Variants in POLR2C observed in about 807,000 individuals in gnomAD.
POLR2C encodes RNA polymerase II subunit C, also known as DNA-directed RNA polymerase II subunit RPB3.
In POLR2C, 36 loss-of-function variants were observed where a neutral mutation model predicts 41.7. The observed-to-expected ratio is 0.86, with a 90% CI of 0.66 to 1.14. The LOEUF (loss-of-function observed/expected upper bound fraction) is 1.14. Among genes scored for constraint, POLR2C ranks in the 50% most tolerant of loss-of-function variants. The pLI is 0.00. For missense variants in POLR2C, 260 were observed against 350.4 expected (o/e 0.74, Z 2.06); for synonymous variants, 133 against 137.8 (o/e 0.96, Z 0.25).
chr16:57,466,011 T>C lies in POLR2C; in HGVS notation c.195T>C (p.Ala65=). The C allele has an allele frequency of 6.3e-7, 1 of 1,597,012 alleles. No homozygotes were observed. Among genetic ancestry groups the C allele is most frequent in the Non-Finnish European group, 8.6e-7 (1 of 1,164,512 alleles). ...NSSVLHDEFI[A]HRLGLIPLIS... is the part of the protein sequence containing the mutation. ...CAGTTCTTCATGATGAATTCATTGCTCACAGGCTTGGTGAGTACTCCTTTT... is the reference window on the plus strand; with the variant it reads ...CAGTTCTTCATGATGAATTCATTGCCCACAGGCTTGGTGAGTACTCCTTTT... The change falls in exon 3 of 9, where the codon GCT becomes GCC. Residue 65 remains alanine, a synonymous_variant. Transcript: ENST00000219252.
At chr16:57,470,731 A>G (rs1160967842) in intron 8 of POLR2C, among the ~76,000 whole-genome samples, 1 of 152,190 alleles carries the variant, frequency 6.6e-6, no homozygotes, top group Non-Finnish European at 1.5e-5. Context: ...GCATGCATAC[A>G]TACAGAACTT....
At chr16:57,466,597 C>T (rs2030714264) in intron 4 of POLR2C, among the ~76,000 whole-genome samples, 1 of 152,152 alleles carries the variant, frequency 6.6e-6, no homozygotes, top group South Asian at 2.1e-4. Flanking sequence ...ACAAGAGCAG[C>T]TCCTGGGGGA....
chr16:57,469,570 T>C lies in POLR2C; in HGVS notation c.388-140T>C. 1.2e-6 allele frequency: 1 copy of C among 801,384 alleles called. No individual in the cohort carries two copies. Among genetic ancestry groups the C allele is most frequent in the Non-Finnish European group, 2.2e-6 (1 of 463,116 alleles). The allele number at this position is 801,384 out of a possible 1,614,324, so 49.6% of individuals were successfully genotyped here. A position where few individuals can be genotyped will look rare whatever the true frequency, so the allele number is the denominator to read the frequency against. On this transcript the variant is annotated intron_variant, in intron 5 of 8. Transcript: ENST00000219252. This position sits in a 1 kb window ranked among gnomAD's most constrained non-coding sequence, Gnocchi z 5.8. The stretch of plus-strand genomic sequence containing the variant: ...CACCCTGAAGTGGGGGTTGGAGTCC[T>C]GGGGGCATCTGTGCCACCACCTCGT...
At chr16:57,465,423 T>A (rs889434567) in intron 2 of POLR2C, among the ~76,000 whole-genome samples, 1 of 152,236 alleles carries the variant, frequency 6.6e-6, no homozygotes, top group Non-Finnish European at 1.5e-5. Flanking sequence ...TCATTGCTGC[T>A]AGGGATTGGG....
At chr16:57,465,737 G>C in intron 2 of POLR2C, 1 of 528,478 alleles carries the variant, frequency 1.9e-6, no homozygotes, top group Non-Finnish European at 3.3e-6. Flanking sequence ...GAAGCAGGGA[G>C]CCCCCTGCAT....
chr16:57,470,234 C>T lies in POLR2C; in HGVS notation c.609-46C>T, dbSNP rs530552555. The T allele has an allele frequency of 2.5e-6, 4 of 1,601,978 alleles. No individual in the cohort carries two copies. In the South Asian group the frequency reaches 4.4e-5, roughly 18 times the overall value. On this transcript the variant is annotated intron_variant, in intron 7 of 8. Coordinates refer to ENST00000219252, the MANE Select transcript of POLR2C (RefSeq NM_032940.3). ...AGGCTCTCTAGGAACTTGGGTGCCC[C>T]AAAAGGAGCAGTGGCAACCTTGTGC... is the stretch of plus-strand genomic sequence containing the variant.
intron 1 of POLR2C, 43 bp downstream of exon 1, chr16:57,462,853 G>A (rs758912817): frequency 1.6e-5 from 24 of 1,514,088 alleles, no homozygotes; most frequent in Admixed American, 7.4e-5. Flanking sequence ...TGGGGCGCCG[G>A]GAGGCCCAAG....
At chr16:57,467,448 A>G (rs1370836125) in intron 4 of POLR2C, among the ~76,000 whole-genome samples, 1 of 152,226 alleles carries the variant, frequency 6.6e-6, no homozygotes, top group Non-Finnish European at 1.5e-5. Flanking sequence ...AAAGATACGC[A>G]TGCTCTATCA....
At chr16:57,464,860 C>G (rs568480706) in intron 2 of POLR2C, among the ~76,000 whole-genome samples, 8 of 152,218 alleles carry the variant, frequency 5.3e-5, no homozygotes, top group African/African-American at 1.7e-4. Flanking sequence ...TATTGAGCAC[C>G]CATGCTAGGA....
chr16:57,465,927 C>T (rs1478126892), intron 2 of POLR2C, 26 bp from the exon 3 acceptor site: 1 of 1,477,364 alleles, frequency 6.8e-7, no homozygotes, highest in Admixed American at 1.7e-5. Flanking sequence ...TGGCTAAACT[C>T]CATGTCTGCT....
intron 2 of POLR2C, among the ~76,000 whole-genome samples, chr16:57,465,004 G>A (rs1321072932): frequency 1.3e-5 from 2 of 152,058 alleles, no homozygotes; most frequent in East Asian, 1.9e-4. Context: ...TTGTGAGAGA[G>A]GAGTTGAAAG....
intron 2 of POLR2C, 151 bp downstream of exon 2, chr16:57,463,229 T>C: frequency 1.4e-6 from 1 of 715,692 alleles, no homozygotes; most frequent in Non-Finnish European, 2.5e-6. Flanking sequence ...CCATACCCTG[T>C]GCCCTTGGCT....
At chr16:57,465,428 A>C (rs2030682456) in intron 2 of POLR2C, among the ~76,000 whole-genome samples, 1 of 152,146 alleles carries the variant, frequency 6.6e-6, no homozygotes. Flanking sequence ...GCTGCTAGGG[A>C]TTGGGTTCTA....
At chr16:57,467,181 C>T (rs979693109) in intron 4 of POLR2C, among the ~76,000 whole-genome samples, 4 of 152,028 alleles carry the variant, frequency 2.6e-5, no homozygotes, top group Non-Finnish European at 2.9e-5. Context: ...TGCAGTGAGC[C>T]GAGATTGCGC....
At chr16:57,467,030 G>C (rs1024311440) in intron 4 of POLR2C, among the ~76,000 whole-genome samples, 1 of 152,112 alleles carries the variant, frequency 6.6e-6, no homozygotes, top group Admixed American at 6.5e-5. Context: ...TCAGGAGATC[G>C]AGACCATCCT....
intron 2 of POLR2C, chr16:57,463,490 G>T (rs1162494565): frequency 8.4e-6 from 3 of 359,068 alleles, no homozygotes; most frequent in African/African-American, 4.3e-5. Flanking sequence ...TTTCACCCAG[G>T]TAGTGAGCAT....
At chr16:57,466,467 A>G (rs2030711250) in intron 4 of POLR2C, among the ~76,000 whole-genome samples, 1 of 152,164 alleles carries the variant, frequency 6.6e-6, no homozygotes, top group Admixed American at 6.5e-5. Context: ...GCCCATTTAT[A>G]CTTAGAGTGG....
At chr16:57,467,188 G>A (rs1374093064) in intron 4 of POLR2C, among the ~76,000 whole-genome samples, 3 of 152,152 alleles carry the variant, frequency 2.0e-5, no homozygotes, top group African/African-American at 4.8e-5. Flanking sequence ...AGCCGAGATT[G>A]CGCCACTGCA....
At chr16:57,464,937 CA>C (rs1598042931) in intron 2 of POLR2C, among the ~76,000 whole-genome samples, 2 of 152,126 alleles carry the variant, frequency 1.3e-5, no homozygotes, top group African/African-American at 4.8e-5. Context: ...ATAACATACA[CA>C]AATATGACAC....
Sources: allele counts gnomAD v4.1 joint callset (sites outside exome capture counted in the v4.1 genomes callset), GRCh38; gene constraint gnomAD v4.1.1; non-coding constraint Gnocchi (gnomAD v3.1); transcripts MANE v1.5; gene names NCBI Gene and HGNC (gene_info 2026-07-23, HGNC 2026-07-21).